EYS: variants seen among roughly 807,000 people sequenced by gnomAD.
The protein encoded by EYS is protein eyes shut homolog.
Under a neutral mutation model 282.1 loss-of-function variants are expected in EYS, and 250 were observed. The observed-to-expected ratio is 0.89, with a 90% confidence interval of 0.80 to 0.98. The LOEUF is 0.98. Ranked by LOEUF, EYS falls within the 50% of genes least tolerant of loss-of-function variation. The pLI is 0.00. For synonymous variants in EYS, 1,355 were observed against 1,282.9 expected, an observed-to-expected ratio of 1.06 and a Z score of -1.20; for missense variants, 4,016 against 3,709.0, an observed-to-expected ratio of 1.08 and a Z score of -2.15.
At chr6:64,569,877 G>A (rs940792469) in intron 26 of EYS, among the ~76,000 whole-genome samples, 1 of 150,382 alleles carries the variant, frequency 6.6e-6, no homozygotes, top group South Asian at 2.1e-4. Flanking sequence ...AACACTCTTC[G>A]GGATATTATC....
At chr6:64,643,548 G>A (rs1031657316) in intron 22 of EYS, among the ~76,000 whole-genome samples, 1 of 152,066 alleles carries the variant, frequency 6.6e-6, no homozygotes, top group Admixed American at 6.6e-5. Flanking sequence ...AGTGTGTGGT[G>A]TTAACAATGA....
intron 26 of EYS, among the ~76,000 whole-genome samples, chr6:64,509,732 C>G (rs114926072): frequency 0.016 from 2,480 of 152,144 alleles, 23 homozygotes; most frequent in South Asian, 0.035. Flanking sequence ...TAATCATGAA[C>G]AGATGGCTTT....
chr6:64,739,850 G>T (rs1004479183), intron 22 of EYS, among the ~76,000 whole-genome samples: 1 of 152,012 alleles, frequency 6.6e-6, no homozygotes, highest in Non-Finnish European at 1.5e-5. Flanking sequence ...TTTTGTAGGG[G>T]CAGGGGAAAT....
chr6:64,987,984 A>G lies in EYS; in HGVS notation c.2259+9598T>C, dbSNP rs75714674. The stretch of plus-strand genomic sequence containing the variant: ...TTATGTTTAACATGATATTTAATAT[A>G]CTCATCCACATTTATATCCACACCA... On this transcript the variant is annotated intron_variant, in intron 14 of 42. Coordinates refer to ENST00000503581, the MANE Select transcript of EYS (RefSeq NM_001142800.2). Among the ~76,000 whole-genome samples the G allele has an allele frequency of 6.3e-3, 961 of 151,564 alleles. 8 individuals are homozygous for G. Among genetic ancestry groups the G allele is most frequent in the African/African-American group, 0.021 (880 of 41,426 alleles).
chr6:63,963,300 G>A (rs746055646), intron 35 of EYS, among the ~76,000 whole-genome samples: 1 of 151,366 alleles, frequency 6.6e-6, no homozygotes, highest in South Asian at 2.1e-4. Flanking sequence ...ATTTGAAAAA[G>A]CAATAAAACC....
chr6:65,390,462 G>A (rs2150355868), intron 7 of EYS, among the ~76,000 whole-genome samples: 1 of 151,850 alleles, frequency 6.6e-6, no homozygotes, highest in African/African-American at 2.4e-5. Flanking sequence ...TGGCAACAAG[G>A]GCAACGCTGT....
intron 14 of EYS, among the ~76,000 whole-genome samples, chr6:64,985,821 T>C (rs1297635659): frequency 6.6e-6 from 1 of 151,450 alleles, no homozygotes; most frequent in Admixed American, 6.6e-5. Flanking sequence ...TAAGTATGTT[T>C]AAAAGAGGGT....
At position 64,290,040 on chromosome 6, in the gene EYS, C is replaced by T. The variant is rs116393399; in HGVS notation, c.6191+16930G>A. The stretch of plus-strand genomic sequence containing the variant: ...GTACCAAGCAGTGTCTGTTGTATAG[C>T]TGAATGCCTTTGGGAATTAAAGGCC... On this transcript the variant is annotated intron_variant, in intron 30 of 42. Transcript: ENST00000503581. 6.6e-3 allele frequency among the ~76,000 whole-genome samples: 1,001 copies of T among 152,098 alleles called. 9 individuals carry two copies. The highest frequency in any genetic ancestry group is 0.023 in the African/African-American group (950 of 41,524).
intron 33 of EYS, among the ~76,000 whole-genome samples, chr6:64,060,161 C>A (rs1419657614): frequency 6.6e-6 from 1 of 152,062 alleles, no homozygotes; most frequent in East Asian, 1.9e-4. Context: ...TACCAGCATG[C>A]AATCCATAGC....
At chr6:64,400,558 T>C (rs1336956831) in intron 28 of EYS, 1 of 152,046 alleles carries the variant, frequency 6.6e-6, no homozygotes, top group Non-Finnish European at 1.5e-5. Flanking sequence ...GTTGTATCTT[T>C]CCCCTTAGGC....
intron 29 of EYS, among the ~76,000 whole-genome samples, chr6:64,307,495 C>G (rs1769498111): frequency 6.6e-6 from 1 of 151,998 alleles, no homozygotes; most frequent in Non-Finnish European, 1.5e-5. Flanking sequence ...ACAAAATGAA[C>G]TCAAATACAC....
chr6:64,810,437 C>T (rs1363714149), intron 22 of EYS, among the ~76,000 whole-genome samples: 4 of 151,986 alleles, frequency 2.6e-5, no homozygotes. Flanking sequence ...CTTACTATAT[C>T]ATCCTCAGTC....
rs771403901 is a variant in EYS, at chr6:64,844,982, CT to C, written c.2993-22161del. ...ATGCAACTCAGCATTGTAAATTGTT[CT>C]TTATAAAACACCTAATCAAATAAAT... On this transcript the variant is annotated intron_variant, in intron 19 of 42. Transcript: ENST00000503581. 3.9e-5 allele frequency among the ~76,000 whole-genome samples: 6 copies of C among 152,084 alleles called. No homozygotes were observed. The South Asian group carries it at 6.2e-4, about 16-fold the overall frequency.
chr6:63,996,073 T>G (rs1384377184), intron 34 of EYS, among the ~76,000 whole-genome samples: 1 of 151,978 alleles, frequency 6.6e-6, no homozygotes, highest in Non-Finnish European at 1.5e-5. Flanking sequence ...TATATACTAT[T>G]ATTACCTGTC....
intron 2 of EYS, among the ~76,000 whole-genome samples, chr6:65,499,229 T>G (rs1344761970): frequency 6.6e-6 from 1 of 152,070 alleles, no homozygotes; most frequent in Non-Finnish European, 1.5e-5. Flanking sequence ...AGCTGTCATC[T>G]TAAATTACAT....
intron 29 of EYS, among the ~76,000 whole-genome samples, chr6:64,335,144 A>C (rs1423706031): frequency 2.0e-5 from 3 of 152,122 alleles, no homozygotes; most frequent in African/African-American, 7.2e-5. Context: ...TCGAGCACAA[A>C]GGGGGGAATA....
chr6:65,143,208 A>G (rs1764391814), intron 12 of EYS, among the ~76,000 whole-genome samples: 1 of 152,026 alleles, frequency 6.6e-6, no homozygotes, highest in Admixed American at 6.6e-5. Context: ...TTTATGACTT[A>G]TTAGGACATA....
intron 1 of EYS, among the ~76,000 whole-genome samples, chr6:65,651,315 T>C (rs1331951216): frequency 4.6e-5 from 7 of 151,974 alleles, no homozygotes; most frequent in Non-Finnish European, 1.0e-4. Flanking sequence ...AAAATATATA[T>C]ACTTATTTAA....
intron 12 of EYS, among the ~76,000 whole-genome samples, chr6:65,106,278 A>G (rs1231201642): frequency 1.3e-5 from 2 of 151,962 alleles, no homozygotes; most frequent in Non-Finnish European, 2.9e-5. Context: ...CACAATACAT[A>G]TATTATAAAA....
Sources: allele counts gnomAD v4.1 joint callset (sites outside exome capture counted in the v4.1 genomes callset), GRCh38; gene constraint gnomAD v4.1.1; transcripts MANE v1.5; gene names NCBI Gene and HGNC (gene_info 2026-07-23, HGNC 2026-07-21).